The following RBM44 variants were observed in gnomAD, a reference collection of about 807,000 sequenced individuals.
RBM44 encodes RNA binding motif protein 44.
Under a neutral mutation model 105.1 loss-of-function variants are expected in RBM44, and 66 were observed. The ratio of observed to expected loss-of-function variants is 0.63; its 90% CI spans 0.52 to 0.77. The LOEUF (loss-of-function observed/expected upper bound fraction) is 0.77. Ranked by LOEUF, RBM44 falls within the 30% of genes least tolerant of loss-of-function variation. RBM44 has a pLI of 0.00. For missense variants in RBM44, 1,122 were observed against 1,207.8 expected (o/e 0.93, Z 1.05); for synonymous variants, 365 against 417.6 (o/e 0.87, Z 1.54).
chr2:237,799,744 C>T (rs1423536823), intron 1 of RBM44, among the ~76,000 whole-genome samples: 1 of 152,132 alleles, frequency 6.6e-6, no homozygotes, highest in East Asian at 1.9e-4. Context: ...CAGTGACAGT[C>T]CGTTGCTGAG....
intron 13 of RBM44, among the ~76,000 whole-genome samples, chr2:237,830,113 A>G (rs1339729284): frequency 6.6e-6 from 1 of 152,208 alleles, no homozygotes; most frequent in Non-Finnish European, 1.5e-5. Context: ...CCATCACTCC[A>G]GAGAATTATC....
chr2:237,840,539 A>G (rs1416570020), intron 15 of RBM44, among the ~76,000 whole-genome samples: 1 of 152,192 alleles, frequency 6.6e-6, no homozygotes, highest in African/African-American at 2.4e-5. Flanking sequence ...CATGATGAAG[A>G]TGCCAAAAGC....
chr2:237,838,500 T>C (rs186698232), intron 15 of RBM44, among the ~76,000 whole-genome samples: 14,746 of 130,702 alleles, frequency 0.11, 869 homozygotes, highest in Middle Eastern at 0.24. Context: ...ATATTGACTG[T>C]AGAAACAAAA....
intron 1 of RBM44, among the ~76,000 whole-genome samples, chr2:237,812,708 G>C (rs1172040877): frequency 6.6e-6 from 1 of 152,100 alleles, no homozygotes; most frequent in South Asian, 2.1e-4. Flanking sequence ...TAGGGGTATG[G>C]AGAGTGACAA....
intron 13 of RBM44, among the ~76,000 whole-genome samples, chr2:237,832,201 C>T (rs1486725154): frequency 1.3e-5 from 2 of 150,422 alleles, no homozygotes; most frequent in African/African-American, 2.5e-5. Context: ...GTCACCCAGG[C>T]TGGGGTGCAG....
At chr2:237,811,634 C>A (rs1336745880) in intron 1 of RBM44, among the ~76,000 whole-genome samples, 1 of 151,316 alleles carries the variant, frequency 6.6e-6, no homozygotes, top group Non-Finnish European at 1.5e-5. Flanking sequence ...ATGGCCTTTT[C>A]ATTTTTTTTC....
chr2:237,815,266 T>G (rs972734207), intron 2 of RBM44, among the ~76,000 whole-genome samples: 2 of 152,188 alleles, frequency 1.3e-5, no homozygotes, highest in African/African-American at 2.4e-5. Context: ...CCTAAACAAC[T>G]CTGTCGTCTC....
chr2:237,824,353 G>A lies in RBM44; in HGVS notation c.2383G>A (p.Val795Ile), dbSNP rs1453525395. The change falls in exon 10 of 16, where the codon GTT becomes ATT. Residue 795 changes from valine (V) to isoleucine (I), a missense_variant. Physicochemically the swap from Val to Ile is conservative, Grantham distance 29 (BLOSUM62 3). This residue lies in a region of RBM44 where 918 missense variants were observed against 955.3 expected (regional missense o/e 0.96). Transcript: ENST00000316997. ...WSDAKESLTG[V>I]DVSGTQGNQV... ...TGATGCTAAAGAGAGCCTGACAGGA[G>A]TTGACGTCTCAGGGACACAGGGAAA... 1 of 1,612,858 alleles carries A rather than the reference G, an allele frequency of 6.2e-7. No homozygotes were observed. The highest frequency in any genetic ancestry group is 1.1e-5 in the South Asian group (1 of 91,038).
At chr2:237,833,299 A>G (rs1210330231) in intron 13 of RBM44, among the ~76,000 whole-genome samples, 1 of 152,192 alleles carries the variant, frequency 6.6e-6, no homozygotes, top group African/African-American at 2.4e-5. Context: ...CTGACTTTTC[A>G]TCGAGGCTTT....
rs2061565955 is a variant in RBM44 at position 237,803,332 on chromosome 2, C to A, written c.-19+4471C>A. Among the ~76,000 whole-genome samples the A allele has an allele frequency of 7.0e-6, 1 of 143,718 alleles. No individual in the cohort carries two copies. The highest frequency in any genetic ancestry group is 2.1e-4 in the South Asian group (1 of 4,660). 94.3% of individuals were successfully genotyped at this position (143,718 alleles called of 152,430 possible). The stretch of plus-strand genomic sequence containing the variant: ...ACACACACACACATACTCTCTCTCT[C>A]ACACACACACACATACTTTCTCTCT... On this transcript the variant is annotated intron_variant, in intron 1 of 15. Coordinates refer to ENST00000316997, the MANE Select transcript of RBM44 (RefSeq NM_001080504.3). This position sits in a 1 kb window ranked among gnomAD's most constrained non-coding sequence, Gnocchi z 4.2.
chr2:237,802,611 G>A (rs1169032783), intron 1 of RBM44, among the ~76,000 whole-genome samples: 2 of 152,072 alleles, frequency 1.3e-5, no homozygotes, highest in Non-Finnish European at 2.9e-5. Context: ...GTAAGTTTGG[G>A]AAAACATACT....
intron 15 of RBM44, among the ~76,000 whole-genome samples, chr2:237,835,305 A>G (rs1369597355): frequency 6.6e-6 from 1 of 152,168 alleles, no homozygotes; most frequent in Non-Finnish European, 1.5e-5. Context: ...TAATCCTACA[A>G]TGGCCTGTAA....
chr2:237,812,083 T>C (rs1271879207), intron 1 of RBM44, among the ~76,000 whole-genome samples: 1 of 152,180 alleles, frequency 6.6e-6, no homozygotes, highest in African/African-American at 2.4e-5. Context: ...CTCGAACTCC[T>C]GAGCTCATGC....
At chr2:237,812,136 G>T (rs548132581) in intron 1 of RBM44, among the ~76,000 whole-genome samples, 1 of 152,174 alleles carries the variant, frequency 6.6e-6, no homozygotes, top group Non-Finnish European at 1.5e-5. Flanking sequence ...GATTACAGGC[G>T]TGAGCCACTG....
At chr2:237,807,997 A>T (rs2061616105) in intron 1 of RBM44, among the ~76,000 whole-genome samples, 1 of 152,228 alleles carries the variant, frequency 6.6e-6, no homozygotes, top group Non-Finnish European at 1.5e-5. Context: ...CCAAAATGAC[A>T]AGACATAATG....
chr2:237,841,805 A>G lies in RBM44; in HGVS notation c.*23-34A>G, dbSNP rs1049611147. 39 of 152,148 alleles carry G rather than the reference A, an allele frequency of 2.6e-4. No individual in the cohort carries two copies. Among genetic ancestry groups the G allele is most frequent in the African/African-American group, 9.2e-4 (38 of 41,442 alleles). 9.4% of individuals were successfully genotyped at this position (152,148 alleles called of 1,614,324 possible). On this transcript the variant is annotated intron_variant, in intron 15 of 15. Transcript: ENST00000316997. The surrounding 1 kb of genome is among the most constrained non-coding windows in gnomAD (Gnocchi z 4.5). Reference sequence around the variant, plus strand: ...TGTACTTAACAAAAGATACTCAACAATCATTGTTGATTTCTCCTTTCTTTT... The same window carrying G: ...TGTACTTAACAAAAGATACTCAACAGTCATTGTTGATTTCTCCTTTCTTTT...
intron 5 of RBM44, chr2:237,820,654 A>T (rs2061776819): frequency 3.9e-6 from 1 of 254,170 alleles, no homozygotes; most frequent in African/African-American, 2.2e-5. Flanking sequence ...TTATGTGTCA[A>T]GAGTTGTTTG....
At chr2:237,820,891 A>T (rs1383611366) in intron 5 of RBM44, 180 bp from the exon 6 acceptor site, 7 of 505,292 alleles carry the variant, frequency 1.4e-5, no homozygotes, top group Non-Finnish European at 2.1e-5. Flanking sequence ...TCTACAATAC[A>T]TTTTTTTACA....
Position 237,840,219 on chromosome 2 carries a change from G to A in RBM44, c.*23-1620G>A, listed in dbSNP as rs1225214007. Among the ~76,000 whole-genome samples, 22 of 144,468 alleles carry A rather than the reference G, an allele frequency of 1.5e-4. No homozygotes were observed. In the South Asian group the frequency reaches 2.2e-3, roughly 14 times the overall value. 94.8% of individuals were successfully genotyped at this position (144,468 alleles called of 152,430 possible). On this transcript the variant is annotated intron_variant, in intron 15 of 15. Transcript: ENST00000316997. ...AAAAAAAAAAAAAAAAAGGGCACAC[G>A]GCACATAGACCAATGGAACAGAATA...
Sources: gnomAD v4.1 joint callset for allele counts (sites outside exome capture counted in the v4.1 genomes callset) on GRCh38, gnomAD v4.1.1 for gene constraint, gnomAD v4.1.1 regional missense constraint, Gnocchi (gnomAD v3.1) non-coding constraint, MANE v1.5 for transcripts, NCBI Gene and HGNC (gene_info 2026-07-23, HGNC 2026-07-21) for gene names.